The following TGM4 variants were observed in gnomAD, a reference collection of about 807,000 sequenced individuals.
The protein encoded by TGM4 is protein-glutamine gamma-glutamyltransferase 4.
Under a neutral mutation model 76.3 loss-of-function variants are expected in TGM4, and 61 were observed. The ratio of observed to expected loss-of-function variants is 0.80; its 90% CI spans 0.65 to 0.99. The LOEUF (loss-of-function observed/expected upper bound fraction) is 0.99, where lower values mean the gene tolerates loss of function less well. TGM4 is among the 50% of genes least tolerant of loss of function. The pLI, the probability that TGM4 is intolerant of heterozygous loss-of-function variation, is 0.00. For synonymous variants in TGM4, 337 were observed against 329.8 expected (o/e 1.02, Z -0.24); for missense variants, 794 against 843.2 (o/e 0.94, Z 0.72).
chr3:44,891,900 G>A (rs1039853390), intron 4 of TGM4, among the ~76,000 whole-genome samples: 5 of 151,630 alleles, frequency 3.3e-5, no homozygotes, highest in African/African-American at 9.7e-5. Context: ...GCGTGAACCC[G>A]GGAGGCAGAA....
intron 8 of TGM4, among the ~76,000 whole-genome samples, chr3:44,902,890 G>A (rs1057441935): frequency 6.6e-6 from 1 of 152,178 alleles, no homozygotes; most frequent in Non-Finnish European, 1.5e-5. Context: ...TAGACGAGGT[G>A]GGAAGGTCAG....
intron 1 of TGM4, among the ~76,000 whole-genome samples, chr3:44,877,710 T>C (rs909187402): frequency 1.3e-5 from 2 of 152,228 alleles, no homozygotes; most frequent in Non-Finnish European, 2.9e-5. Flanking sequence ...CATCTTCTCA[T>C]CTTTTTGTAG....
At chr3:44,911,536 C>T in intron 13 of TGM4, 130 bp downstream of exon 13, 1 of 1,030,678 alleles carries the variant, frequency 9.7e-7, no homozygotes, top group Non-Finnish European at 1.4e-6. Context: ...TTTGCTAGTG[C>T]CAAATTACTT....
At chr3:44,903,856 G>C in intron 8 of TGM4, 28 bp from the exon 9 acceptor site, 1 of 1,609,228 alleles carries the variant, frequency 6.2e-7, no homozygotes, top group Non-Finnish European at 8.5e-7. Flanking sequence ...GGTGGTCCGG[G>C]GTGGGGCCCG....
chr3:44,910,657 T>G (rs1364372909), intron 11 of TGM4, among the ~76,000 whole-genome samples: 1 of 152,102 alleles, frequency 6.6e-6, no homozygotes, highest in Non-Finnish European at 1.5e-5. Context: ...AATTTTAATC[T>G]CAGATGCCCA....
chr3:44,875,766 T>G lies in TGM4; in HGVS notation c.19+1069T>G, dbSNP rs181666040. Among the ~76,000 whole-genome samples, 55 of 152,336 alleles carry G rather than the reference T, an allele frequency of 3.6e-4. No homozygotes were observed. The East Asian group carries it at 7.1e-3, about 20-fold the overall frequency. ...AAGGGACTAAGCCAGACCCTCCTAG[T>G]TTCCACCTTCTTTTTTGGAGGGTGA... is the stretch of plus-strand genomic sequence containing the variant. On this transcript the variant is annotated intron_variant, in intron 1 of 13. Coordinates refer to ENST00000296125, the MANE Select transcript of TGM4 (RefSeq NM_003241.4).
chr3:44,905,831 C>CA (rs1232206211), intron 9 of TGM4, among the ~76,000 whole-genome samples: 1 of 102,120 alleles, frequency 9.8e-6, no homozygotes, highest in Non-Finnish European at 1.9e-5. Context: ...GATATGCCCA[C>CA]ACCCCCGCAT....
Position 44,911,113 on chromosome 3 carries a change from G to C in TGM4, c.1762G>C (p.Glu588Gln). ...SEVFTSFQYPEFSIELPNTGR... is the reference protein window; with the variant it reads ...SEVFTSFQYPQFSIELPNTGR... ...AGTATTCACGTCTTTCCAGTACCCT[G>C]AGTTCTCTATAGAGGTGAGCTTCCT... Residue 588 changes from glutamate to glutamine, a missense_variant, in exon 12 of 14, where the codon GAG (glutamate) becomes CAG (glutamine). Physicochemically the swap from Glu to Gln is conservative, Grantham distance 29 (BLOSUM62 2). Transcript: ENST00000296125. 6.2e-7 allele frequency: 1 copy of C among 1,614,160 alleles called. No homozygotes were observed. The highest frequency in any genetic ancestry group is 8.5e-7 in the Non-Finnish European group (1 of 1,180,022).
Position 44,910,967 on chromosome 3 carries a change from T to C in TGM4, c.1616T>C (p.Val539Ala), listed in dbSNP as rs775571010. The C allele has an allele frequency of 8.7e-6, 14 of 1,614,056 alleles. 1 individual carries two copies. In the South Asian group the frequency reaches 1.4e-4, roughly 16 times the overall value. The change falls in exon 12 of 14, where the codon GTG becomes GCG. Residue 539 changes from valine to alanine, a missense_variant. Val to Ala is a moderately conservative substitution (Grantham distance 64). Transcript: ENST00000296125. ...TSQIQGQVSE[V>A]TLTLDSKTYI... The stretch of plus-strand genomic sequence containing the variant: ...CCTGACTCTTTGGCAGTATCAGAAG[T>C]GACTCTGACCTTGGACTCCAAGACC...
intron 6 of TGM4, among the ~76,000 whole-genome samples, chr3:44,900,311 C>T (rs186359856): frequency 6.6e-6 from 1 of 152,266 alleles, no homozygotes; most frequent in African/African-American, 2.4e-5. Flanking sequence ...TGCCTAGGAC[C>T]CTTTGCCTGT....
chr3:44,900,610 T>C (rs944252318), intron 6 of TGM4, among the ~76,000 whole-genome samples: 1 of 152,192 alleles, frequency 6.6e-6, no homozygotes, highest in African/African-American at 2.4e-5. Flanking sequence ...TCACAAGGCA[T>C]GATGAGGTTT....
Position 44,907,157 on chromosome 3 carries a change from A to T in TGM4, c.1284A>T (p.Gln428His). The change falls in exon 10 of 14, where the codon CAA becomes CAT. Residue 428 changes from glutamine to histidine, a missense_variant. Transcript: ENST00000296125. ...GKNISTKAVGQDRRRDITYEY... is the reference protein window; with the variant it reads ...GKNISTKAVGHDRRRDITYEY... ...ACATCAGCACCAAGGCAGTGGGCCAAGACAGGCGGAGAGATATCACCTATG... is the reference window on the plus strand; with the variant it reads ...ACATCAGCACCAAGGCAGTGGGCCATGACAGGCGGAGAGATATCACCTATG... 6.2e-7 allele frequency: 1 copy of T among 1,614,148 alleles called. No individual in the cohort carries two copies. The highest frequency in any genetic ancestry group is 8.5e-7 in the Non-Finnish European group (1 of 1,180,030).
intron 4 of TGM4, among the ~76,000 whole-genome samples, chr3:44,892,324 T>C (rs1198835631): frequency 6.6e-6 from 1 of 151,316 alleles, no homozygotes; most frequent in East Asian, 1.9e-4. Flanking sequence ...AACACTTTCA[T>C]CTACTATCTA....
intron 9 of TGM4, among the ~76,000 whole-genome samples, 190 bp downstream of exon 9, chr3:44,904,177 A>G (rs1026002567): frequency 2.0e-5 from 3 of 152,220 alleles, no homozygotes; most frequent in Non-Finnish European, 2.9e-5. Flanking sequence ...GGCTATTTTT[A>G]TGAAGATAAT....
Position 44,885,087 on chromosome 3 carries a change from C to T in TGM4, c.20-238C>T, listed in dbSNP as rs562499473. Among the ~76,000 whole-genome samples the T allele has an allele frequency of 2.1e-4, 32 of 152,322 alleles. No homozygotes were observed. The South Asian group carries it at 6.6e-3, about 32-fold the overall frequency. On this transcript the variant is annotated intron_variant, in intron 1 of 13. Coordinates refer to ENST00000296125, the MANE Select transcript of TGM4 (RefSeq NM_003241.4). Reference sequence around the variant, plus strand: ...GGGTTACATGACTAAGCACTTGAGTCCACTGCTCTCAGCTCATCCCCATGT... The same window carrying T: ...GGGTTACATGACTAAGCACTTGAGTTCACTGCTCTCAGCTCATCCCCATGT...
At position 44,901,432 on chromosome 3, in the gene TGM4, G is replaced by A. The variant is rs542390387; in HGVS notation, c.658-92G>A. ...CAAGTACTCTGAGACATTATGAGGTGTCCACTTTGGGGGCTGGGTGGCCAA... is the reference window on the plus strand; with the variant it reads ...CAAGTACTCTGAGACATTATGAGGTATCCACTTTGGGGGCTGGGTGGCCAA... On this transcript the variant is annotated intron_variant, in intron 6 of 13. Coordinates refer to ENST00000296125, the MANE Select transcript of TGM4 (RefSeq NM_003241.4). 1.7e-4 allele frequency: 238 copies of A among 1,419,806 alleles called. 1 individual carries two copies. The African/African-American group carries it at 2.7e-3, about 16-fold the overall frequency. 88.0% of individuals were successfully genotyped at this position (1,419,806 alleles called of 1,614,324 possible).
chr3:44,906,547 G>A (rs1168790454), intron 9 of TGM4, among the ~76,000 whole-genome samples: 4 of 152,190 alleles, frequency 2.6e-5, no homozygotes, highest in African/African-American at 9.7e-5. Flanking sequence ...GCCTTAGAAG[G>A]TAAGTGCTGT....
In TGM4 at chr3:44,901,808, G is replaced by A; in HGVS notation, c.848G>A (p.Gly283Asp). The A allele has an allele frequency of 2.5e-6, 4 of 1,614,122 alleles. No individual in the cohort carries two copies. Among genetic ancestry groups the A allele is most frequent in the East Asian group, 2.2e-5 (1 of 44,878 alleles). The stretch of plus-strand genomic sequence containing the variant: ...ATCATTTCAGTGCTGAGAGCGTTGG[G>A]CATCCCAGCACGCAGTGTGACAGGC... ...GILTTVLRAL[G>D]IPARSVTGFD... Residue 283 changes from glycine (G) to aspartate (D), a missense_variant, in exon 8 of 14, where the codon GGC becomes GAC. By Grantham distance (94) the Gly-to-Asp change is moderately conservative. Coordinates refer to ENST00000296125, the MANE Select transcript of TGM4 (RefSeq NM_003241.4).
intron 13 of TGM4, among the ~76,000 whole-genome samples, chr3:44,911,985 C>T (rs1700011534): frequency 6.6e-6 from 1 of 152,178 alleles, no homozygotes; most frequent in Non-Finnish European, 1.5e-5. Context: ...CATATGCCAC[C>T]ACACCCGGCT....
Sources: allele counts gnomAD v4.1 joint callset (sites outside exome capture counted in the v4.1 genomes callset), GRCh38; gene constraint gnomAD v4.1.1; transcripts MANE v1.5; gene names NCBI Gene and HGNC (gene_info 2026-07-23, HGNC 2026-07-21).